The following DNAH1 variants were observed in gnomAD, a reference collection of about 807,000 sequenced individuals.
The protein encoded by DNAH1 is axonemal beta dynein heavy chain 1.
A neutral mutation model predicts 484.3 loss-of-function variants in DNAH1; 327 were observed. The ratio of observed to expected loss-of-function variants is 0.68; its 90% CI spans 0.62 to 0.74. The LOEUF (loss-of-function observed/expected upper bound fraction) is 0.74, where lower values mean the gene tolerates loss of function less well. Ranked by LOEUF, DNAH1 falls within the 30% of genes least tolerant of loss-of-function variation. The pLI, the probability that DNAH1 is intolerant of heterozygous loss-of-function variation, is 0.00. For missense variants in DNAH1, 5,052 were observed against 5,546.8 expected (o/e 0.91, Z 2.83); for synonymous variants, 2,192 against 2,191.9 (o/e 1.00, Z 0.00).
In DNAH1 at chr3:52,350,104, T is replaced by G. The variant is rs1578119999; in HGVS notation, c.2642T>G (p.Leu881Arg). Residue 881 changes from leucine (L) to arginine (R), a missense_variant, in exon 15 of 78, where the codon CTG becomes CGG. This residue lies in a region of DNAH1 where 1,263 missense variants were observed against 1,218.8 expected (regional missense o/e 1.04). Coordinates refer to ENST00000420323, the MANE Select transcript of DNAH1 (RefSeq NM_015512.5). ...GGCATCCCGGAGAGGCTGGTGGGCC[T>G]GGAGGTGAGGCAGGCACACGGGCAC... ...MKGIPERLVGLEERIVKVMDD... is the reference protein window; with the variant it reads ...MKGIPERLVGREERIVKVMDD... 2.5e-6 allele frequency: 4 copies of G among 1,610,920 alleles called. No individual in the cohort carries two copies. The highest frequency in any genetic ancestry group is 3.4e-6 in the Non-Finnish European group (4 of 1,179,228).
Position 52,348,002 on chromosome 3 carries a change from AGGCACCT to A in DNAH1, c.2106+30_2106+36del, listed in dbSNP as rs771407998. ...ACGTGCTGCAGCCTGAGCAGGCCCC[AGGCACCT>A]GCTGCCCTGGCTGCTGATGGCTCCC... On this transcript the variant is annotated intron_variant, in intron 12 of 77. Transcript: ENST00000420323. The A allele has an allele frequency of 1.8e-5, 28 of 1,586,132 alleles. No individual in the cohort carries two copies. In the East Asian group the frequency reaches 6.2e-4, roughly 35 times the overall value.
chr3:52,313,748 C>G (rs892290078), upstream of DNAH1, among the ~76,000 whole-genome samples: 1 of 152,092 alleles, frequency 6.6e-6, no homozygotes, highest in Non-Finnish European at 1.5e-5. Context: ...CACATTCGCT[C>G]CTGGAGGTCT....
intron 11 of DNAH1, 129 bp from the exon 12 acceptor site, chr3:52,347,695 C>A: frequency 8.7e-7 from 1 of 1,153,848 alleles, no homozygotes; most frequent in East Asian, 2.7e-5. Context: ...GTGTGTGGGA[C>A]GAAGGAGAAG....
intron 8 of DNAH1, among the ~76,000 whole-genome samples, chr3:52,336,713 T>A (rs1248769070): frequency 1.3e-5 from 2 of 152,224 alleles, no homozygotes; most frequent in Non-Finnish European, 2.9e-5. Flanking sequence ...TGCATATTTT[T>A]GTCAATTTTG....
At chr3:52,363,707 G>A (rs577053845) in intron 32 of DNAH1, among the ~76,000 whole-genome samples, 1 of 152,320 alleles carries the variant, frequency 6.6e-6, no homozygotes, top group East Asian at 1.9e-4. Flanking sequence ...TAGCAACTTA[G>A]TTTGTCTTCC....
At chr3:52,386,444 T>TC in intron 55 of DNAH1, 99 bp downstream of exon 55, 1 of 1,427,274 alleles carries the variant, frequency 7.0e-7, no homozygotes, top group South Asian at 1.5e-5. Context: ...TGCCCCACCC[T>TC]CCTCATTCCA....
intron 50 of DNAH1, among the ~76,000 whole-genome samples, chr3:52,382,850 C>A (rs1703915097): frequency 6.6e-6 from 1 of 152,220 alleles, no homozygotes; most frequent in African/African-American, 2.4e-5. Flanking sequence ...TGTCTAGGGT[C>A]ACACGACAGA....
rs749092447 is a variant in DNAH1, at chr3:52,331,199, T to C, written c.923T>C (p.Leu308Pro). ...TACAAATGGTGCGAGGTCGGCGTCCTGGACTACGACGAGGAGAAGAAGCTA... is the reference window on the plus strand; with the variant it reads ...TACAAATGGTGCGAGGTCGGCGTCCCGGACTACGACGAGGAGAAGAAGCTA... ...LKYKWCEVGV[L>P]DYDEEKKLYL... The change falls in exon 7 of 78, where the codon CTG becomes CCG. Residue 308 changes from leucine (L) to proline (P), a missense_variant. By Grantham distance (98) the Leu-to-Pro change is moderately conservative. Coordinates refer to ENST00000420323, the MANE Select transcript of DNAH1 (RefSeq NM_015512.5). The C allele has an allele frequency of 5.0e-6, 8 of 1,607,972 alleles. No individual in the cohort carries two copies. The highest frequency in any genetic ancestry group is 1.3e-5 in the African/African-American group (1 of 74,972).
chr3:52,384,440 G>A (rs904637490), intron 52 of DNAH1, among the ~76,000 whole-genome samples: 2 of 152,160 alleles, frequency 1.3e-5, no homozygotes, highest in East Asian at 3.9e-4. Flanking sequence ...AGCCTCTGAG[G>A]GGGAACCACC....
At position 52,383,344 on chromosome 3, in the gene DNAH1, A is replaced by C. The variant is rs561131099; in HGVS notation, c.7942-42A>C. On this transcript the variant is annotated intron_variant, in intron 50 of 77. Coordinates refer to ENST00000420323, the MANE Select transcript of DNAH1 (RefSeq NM_015512.5). ...AGCGAGACTGTGGTCATATAGTCCA[A>C]CATGCAGGGGCTTAGCTCCCCACTC... The C allele has an allele frequency of 9.0e-5, 142 of 1,572,750 alleles. 1 individual carries two copies. In the South Asian group the frequency reaches 1.2e-3, roughly 13 times the overall value.
rs752325606 is a variant in DNAH1 at position 52,398,892 on chromosome 3, C to A, written c.12132C>A (p.Asp4044Glu). 2 of 1,593,110 alleles carry A rather than the reference C, an allele frequency of 1.3e-6. No individual in the cohort carries two copies. Among genetic ancestry groups the A allele is most frequent in the Admixed American group, 1.7e-5 (1 of 58,378 alleles). ...AGGTGATCACACAGACACTGCAAGA[C>A]CTACTCAAGGCACTCAAGGGGCTGG... ...LLQVITQTLQ[D>E]LLKALKGLVV... Residue 4044 changes from aspartate to glutamate, a missense_variant, in exon 76 of 78, where the codon GAC (aspartate) becomes GAA (glutamate). This residue lies in a region of DNAH1 where 853 missense variants were observed against 899.0 expected (regional missense o/e 0.95). Coordinates refer to ENST00000420323, the MANE Select transcript of DNAH1 (RefSeq NM_015512.5).
rs757791993 is a variant in DNAH1 at position 52,395,938 on chromosome 3, CT to C, written c.11259+278del. 7.3e-3 allele frequency among the ~76,000 whole-genome samples: 976 copies of C among 133,022 alleles called. 7 individuals carry two copies. The highest frequency in any genetic ancestry group is 0.025 in the South Asian group (105 of 4,272). The allele number at this position is 133,022 out of a possible 152,430, so 87.3% of individuals were successfully genotyped here. A position where few individuals can be genotyped will look rare whatever the true frequency, so the allele number is the denominator to read the frequency against. ...CCGTGACCTGGGACTTGCCAAAGCCCTTTTTTTTTTTTTTTTTTCAGACGGA... is the reference window on the plus strand; with the variant it reads ...CCGTGACCTGGGACTTGCCAAAGCCCTTTTTTTTTTTTTTTTTCAGACGGA... On this transcript the variant is annotated intron_variant, in intron 70 of 77. Transcript: ENST00000420323. This position sits in a 1 kb window ranked among gnomAD's most constrained non-coding sequence, Gnocchi z 4.4.
At chr3:52,351,830 A>T in intron 16 of DNAH1, 132 bp from the exon 17 acceptor site, 2 of 1,134,000 alleles carry the variant, frequency 1.8e-6, no homozygotes, top group Non-Finnish European at 2.5e-6. Flanking sequence ...TAGCCTCCAC[A>T]GCTGCCTGGA....
chr3:52,331,459 A>G (rs1337716275), intron 7 of DNAH1, 150 bp downstream of exon 7: 1 of 949,502 alleles, frequency 1.1e-6, no homozygotes, highest in African/African-American at 1.7e-5. Context: ...GGACCAGAGG[A>G]CTCATCACTC....
intron 66 of DNAH1, among the ~76,000 whole-genome samples, chr3:52,394,256 C>T (rs898991239): frequency 3.3e-5 from 5 of 152,256 alleles, no homozygotes; most frequent in Non-Finnish European, 2.9e-5. Context: ...AGGCAGAGGC[C>T]CAGAGAAGTC....
chr3:52,392,740 C>T, intron 64 of DNAH1, 51 bp downstream of exon 64: 1 of 1,343,578 alleles, frequency 7.4e-7, no homozygotes, highest in Non-Finnish European at 1.0e-6. Context: ...CCGGGCCTGC[C>T]CCCCACCTCT....
rs547063484 is a variant in DNAH1, at chr3:52,391,677, C to G, written c.10052+74C>G. On this transcript the variant is annotated intron_variant, in intron 63 of 77. Coordinates refer to ENST00000420323, the MANE Select transcript of DNAH1 (RefSeq NM_015512.5). ...TGCCCAGCTGCTCCTCTCCCACCCC[C>G]AGGCCGGGAGTCAGTGGGACTTTCC... 7.7e-6 allele frequency: 12 copies of G among 1,566,876 alleles called. No individual in the cohort carries two copies. The African/African-American group carries it at 1.3e-4, about 18-fold the overall frequency.
At chr3:52,332,423 T>C (rs1342794258) in intron 8 of DNAH1, 29 bp downstream of exon 8, 1 of 1,602,292 alleles carries the variant, frequency 6.2e-7, no homozygotes, top group African/African-American at 1.3e-5. Context: ...TTCCCTATTC[T>C]GGGCATCACC....
chr3:52,347,152 G>T (rs1702176994), intron 11 of DNAH1, among the ~76,000 whole-genome samples: 1 of 152,210 alleles, frequency 6.6e-6, no homozygotes. Flanking sequence ...CACTGGGGGT[G>T]GGTCAGGGAG....
Sources: allele counts gnomAD v4.1 joint callset (sites outside exome capture counted in the v4.1 genomes callset), GRCh38; gene constraint gnomAD v4.1.1; regional missense constraint gnomAD v4.1.1; non-coding constraint Gnocchi (gnomAD v3.1); transcripts MANE v1.5; gene names NCBI Gene and HGNC (gene_info 2026-07-23, HGNC 2026-07-21).